DLC1: variants seen among roughly 807,000 people sequenced by gnomAD.
DLC1 encodes the protein DLC1 Rho GTPase activating protein.
Under a neutral mutation model 140.3 loss-of-function variants are expected in DLC1, and 54 were observed. That is an observed-to-expected ratio of 0.38 (90% CI 0.31 to 0.48). The LOEUF (loss-of-function observed/expected upper bound fraction) is 0.48. Among genes scored for constraint, DLC1 ranks in the 20% least tolerant of loss-of-function variants. The pLI is 0.96. For missense variants in DLC1, 2,536 were observed against 1,907.0 expected, an observed-to-expected ratio of 1.33 and a Z score of -6.14; for synonymous variants, 986 against 728.1, an observed-to-expected ratio of 1.35 and a Z score of -5.70.
chr8:13,113,534 G>T (rs999019065), intron 6 of DLC1, among the ~76,000 whole-genome samples: 2 of 152,212 alleles, frequency 1.3e-5, no homozygotes, highest in Admixed American at 6.5e-5. Context: ...TATATCACAA[G>T]AAAGTGCTAC....
chr8:13,091,932 T>C (rs1406779964), intron 13 of DLC1, among the ~76,000 whole-genome samples: 1 of 152,180 alleles, frequency 6.6e-6, no homozygotes, highest in Non-Finnish European at 1.5e-5. Flanking sequence ...GCAGTTGGAA[T>C]GCCCCAGTCA....
chr8:13,146,019 C>G (rs536471259), intron 5 of DLC1, among the ~76,000 whole-genome samples: 1 of 152,216 alleles, frequency 6.6e-6, no homozygotes, highest in Non-Finnish European at 1.5e-5. Context: ...TGGCTCATAC[C>G]TGTAATCCCA....
intron 4 of DLC1, among the ~76,000 whole-genome samples, chr8:13,322,094 T>G (rs1833150717): frequency 6.6e-6 from 1 of 152,176 alleles, no homozygotes; most frequent in African/African-American, 2.4e-5. Flanking sequence ...TACATGTACT[T>G]TTAAGAACTG....
intron 4 of DLC1, among the ~76,000 whole-genome samples, chr8:13,384,183 A>C (rs898320719): frequency 2.6e-5 from 4 of 152,232 alleles, no homozygotes; most frequent in Non-Finnish European, 5.9e-5. Context: ...GTGGACCTAC[A>C]GATTGCATAT....
chr8:13,084,740 C>G lies in DLC1; in HGVS notation c.*1071G>C, dbSNP rs1056200722. On this transcript the variant is annotated 3_prime_UTR_variant, in exon 18 of 18. Transcript: ENST00000276297. ...GGCTTTCAGGAATGCCGTTAACAACCAAAGGCGGGGAAAAAGCCTTTTGTA... is the reference window on the plus strand; with the variant it reads ...GGCTTTCAGGAATGCCGTTAACAACGAAAGGCGGGGAAAAAGCCTTTTGTA... 1 of 152,054 alleles carries G rather than the reference C, an allele frequency of 6.6e-6. No homozygotes were observed. Among genetic ancestry groups the G allele is most frequent in the African/African-American group, 2.4e-5 (1 of 41,396 alleles). The allele number at this position is 152,054 out of a possible 1,614,324, so 9.4% of individuals were successfully genotyped here.
intron 3 of DLC1, among the ~76,000 whole-genome samples, chr8:13,397,218 G>C (rs1453136345): frequency 6.6e-6 from 1 of 152,122 alleles, no homozygotes; most frequent in Non-Finnish European, 1.5e-5. Context: ...CCTCAATATA[G>C]AGAAGGGAAT....
intron 5 of DLC1, among the ~76,000 whole-genome samples, chr8:13,302,489 A>G (rs1368203053): frequency 6.6e-6 from 1 of 152,210 alleles, no homozygotes; most frequent in Non-Finnish European, 1.5e-5. Flanking sequence ...GTATTATCAT[A>G]GCAACGTGGA....
intron 2 of DLC1, among the ~76,000 whole-genome samples, chr8:13,435,919 C>T (rs1478562299): frequency 6.6e-6 from 1 of 152,174 alleles, no homozygotes; most frequent in Non-Finnish European, 1.5e-5. Context: ...CTATTACTCC[C>T]ATCAGTCAGC....
chr8:13,486,468 A>G (rs1012918789), intron 2 of DLC1, among the ~76,000 whole-genome samples: 6 of 151,926 alleles, frequency 3.9e-5, no homozygotes, highest in Non-Finnish European at 8.8e-5. Context: ...ATTCTTTCTG[A>G]TTACTTTTAA....
intron 5 of DLC1, among the ~76,000 whole-genome samples, chr8:13,243,679 G>T (rs1405163935): frequency 6.6e-6 from 1 of 152,056 alleles, no homozygotes; most frequent in Non-Finnish European, 1.5e-5. Flanking sequence ...ATCAGTATTT[G>T]AGTTCCACTT....
At chr8:13,133,283 G>C (rs1443856828) in intron 5 of DLC1, 15 of 1,306,312 alleles carry the variant, frequency 1.1e-5, no homozygotes, top group African/African-American at 3.1e-5. Flanking sequence ...GGCAGTCGGA[G>C]CGAACTGTCT....
chr8:13,451,248 A>G (rs1799043168), intron 2 of DLC1, among the ~76,000 whole-genome samples: 1 of 151,984 alleles, frequency 6.6e-6, no homozygotes, highest in Non-Finnish European at 1.5e-5. Flanking sequence ...TTGTGTATAC[A>G]TAGTAGGTGT....
chr8:13,501,885 A>G (rs1250623594), intron 1 of DLC1, among the ~76,000 whole-genome samples: 1 of 152,214 alleles, frequency 6.6e-6, no homozygotes, highest in Non-Finnish European at 1.5e-5. Context: ...GATGCAAGCC[A>G]GAAAATTTCT....
chr8:13,384,978 A>C (rs1159077983), intron 4 of DLC1, among the ~76,000 whole-genome samples: 3 of 152,316 alleles, frequency 2.0e-5, no homozygotes, highest in Middle Eastern at 3.4e-3. Context: ...CTAGAATTTA[A>C]ATGAAATCTG....
chr8:13,100,538 G>C lies in DLC1; in HGVS notation c.1799C>G (p.Thr600Ser). The C allele has an allele frequency of 6.2e-7, 1 of 1,613,064 alleles. No individual in the cohort carries two copies. Among genetic ancestry groups the C allele is most frequent in the Non-Finnish European group, 8.5e-7 (1 of 1,179,880 alleles). Residue 600 changes from threonine to serine, a missense_variant, in exon 9 of 18, where the codon ACT becomes AGT. Coordinates refer to ENST00000276297, the MANE Select transcript of DLC1 (RefSeq NM_182643.3). The stretch of plus-strand genomic sequence containing the variant: ...GGGCGCGTGGCTGGGGAGGCTGCCA[G>C]TGCTGCTGAGGCTGCGGACGGAAGA... Reference protein sequence around the residue: ...EVSSVRSLSSTGSLPSHAPPS... With the variant: ...EVSSVRSLSSSGSLPSHAPPS...
Position 13,132,002 on chromosome 8 carries a change from ACAGCGACATGGAGTGGGGG to A in DLC1, c.1349-16364_1349-16346del, listed in dbSNP as rs572375101. On this transcript the variant is annotated intron_variant, in intron 5 of 17. Transcript: ENST00000276297. ...TCGCCCCAGGACTCTGGAGGTGGGG[ACAGCGACATGGAGTGGGGG>A]CAGGCTTCCAAGAAGCTGTCGCCTT... Among the ~76,000 whole-genome samples, 14 of 152,250 alleles carry A rather than the reference ACAGCGACATGGAGTGGGGG, an allele frequency of 9.2e-5. No individual in the cohort carries two copies. The South Asian group carries it at 1.9e-3, about 20-fold the overall frequency.
At chr8:13,135,578 G>C (rs1370538637) in intron 5 of DLC1, among the ~76,000 whole-genome samples, 3 of 148,884 alleles carry the variant, frequency 2.0e-5, no homozygotes, top group Non-Finnish European at 4.5e-5. Flanking sequence ...TAAAAAATAA[G>C]AGTGCACCTT....
intron 5 of DLC1, among the ~76,000 whole-genome samples, chr8:13,152,884 T>G (rs1210428432): frequency 6.6e-6 from 1 of 150,422 alleles, no homozygotes; most frequent in Non-Finnish European, 1.5e-5. Context: ...GCTGCTGCCA[T>G]TTTTGCCTTA....
chr8:13,598,919 A>C (rs1020973884), intron 1 of DLC1, among the ~76,000 whole-genome samples: 7 of 151,908 alleles, frequency 4.6e-5, no homozygotes, highest in African/African-American at 1.7e-4. Flanking sequence ...ATTCTAAATA[A>C]AAAAATGAAA....
Sources: allele counts gnomAD v4.1 joint callset (sites outside exome capture counted in the v4.1 genomes callset), GRCh38; gene constraint gnomAD v4.1.1; transcripts MANE v1.5; gene names NCBI Gene and HGNC (gene_info 2026-07-23, HGNC 2026-07-21).